NRG1: variants seen among roughly 807,000 people sequenced by gnomAD.
The protein encoded by NRG1 is neuregulin 1, also known as pro-neuregulin-1, membrane-bound isoform.
In NRG1, 18 loss-of-function variants were observed where a neutral mutation model predicts 63.8. The ratio of observed to expected loss-of-function variants is 0.28; its 90% CI spans 0.19 to 0.42. The LOEUF (loss-of-function observed/expected upper bound fraction) is 0.42. Ranked by LOEUF, NRG1 falls within the 10% of genes least tolerant of loss-of-function variation. NRG1 has a pLI of 1.00. For synonymous variants in NRG1, 302 were observed against 301.3 expected, an observed-to-expected ratio of 1.00 and a Z score of -0.02; for missense variants, 762 against 814.7, an observed-to-expected ratio of 0.94 and a Z score of 0.79.
chr8:32,690,975 G>GTGTGTT (rs1811470232), intron 5 of NRG1, among the ~76,000 whole-genome samples: 1 of 150,688 alleles, frequency 6.6e-6, no homozygotes, highest in Admixed American at 6.6e-5. Context: ...GTGTGTGTGT[G>GTGTGTT]TGTGTTAGCC....
chr8:32,719,779 A>C lies in NRG1; in HGVS notation c.503-8170A>C, dbSNP rs1165746985. Among the ~76,000 whole-genome samples the C allele has an allele frequency of 4.6e-5, 7 of 151,936 alleles. No homozygotes were observed. In the East Asian group the frequency reaches 1.4e-3, roughly 29 times the overall value. On this transcript the variant is annotated intron_variant, in intron 5 of 11. Coordinates refer to ENST00000356819, the Ensembl canonical transcript of NRG1. ...TTTTTCTACGTTTAACTTTTTTTTAAAGAAACCAGGTTGTTTGTCCTGTAA... is the reference window on the plus strand; with the variant it reads ...TTTTTCTACGTTTAACTTTTTTTTACAGAAACCAGGTTGTTTGTCCTGTAA...
chr8:32,239,590 G>A (rs1847908447), intron 1 of NRG1, among the ~76,000 whole-genome samples: 1 of 151,946 alleles, frequency 6.6e-6, no homozygotes, highest in Non-Finnish European at 1.5e-5. Context: ...CTTTTGTTCT[G>A]TAAGAGACCC....
chr8:31,735,920 G>A (rs183942995), intron 1 of NRG1, among the ~76,000 whole-genome samples: 89 of 152,178 alleles, frequency 5.8e-4, no homozygotes, highest in African/African-American at 2.0e-3. Flanking sequence ...GCTACCATCC[G>A]TCATCTTTTG....
chr8:32,496,455 C>A (rs75974189), intron 1 of NRG1, among the ~76,000 whole-genome samples: 1 of 151,982 alleles, frequency 6.6e-6, no homozygotes, highest in Non-Finnish European at 1.5e-5. Flanking sequence ...CTGGGCATGG[C>A]GGTGCGTGCC....
At chr8:32,762,396 T>A (rs552211498) in intron 11 of NRG1, among the ~76,000 whole-genome samples, 147 of 152,276 alleles carry the variant, frequency 9.7e-4, no homozygotes, top group Non-Finnish European at 1.4e-3. Context: ...GACTACGAAA[T>A]ATTCCTGAAC....
rs138930521 is a variant in NRG1, at chr8:31,912,122, T to G, written c.37+272691T>G. On this transcript the variant is annotated intron_variant, in intron 1 of 10. Coordinates refer to the NRG1 transcript ENST00000519301. ...GAGGAGGCATTCAATTAATGATACC[T>G]TATTTTTATTAATATTAGCATATTG... is the stretch of plus-strand genomic sequence containing the variant. Among the ~76,000 whole-genome samples the G allele has an allele frequency of 8.9e-3, 1,353 of 152,338 alleles. 61 individuals carry two copies. In the South Asian group the frequency reaches 0.13, roughly 14 times the overall value.
chr8:31,857,457 C>T (rs530020694), intron 1 of NRG1, among the ~76,000 whole-genome samples: 12 of 152,352 alleles, frequency 7.9e-5, no homozygotes, highest in Admixed American at 3.3e-4. Context: ...GGCAATGCCT[C>T]GCCCTGCTTT....
chr8:32,116,600 A>G lies in NRG1; in HGVS notation c.37+477169A>G, dbSNP rs866622378. 6.6e-5 allele frequency among the ~76,000 whole-genome samples: 10 copies of G among 152,244 alleles called. No homozygotes were observed. The Middle Eastern group carries it at 0.014, about 207-fold the overall frequency. On this transcript the variant is annotated intron_variant, in intron 1 of 10. Transcript: ENST00000519301. ...TCATTCAACTGTTAGTATGTTCCTCATAAGTGCCTGTCAGAGAGAATCTTT... is the reference window on the plus strand; with the variant it reads ...TCATTCAACTGTTAGTATGTTCCTCGTAAGTGCCTGTCAGAGAGAATCTTT...
At chr8:31,663,644 A>G (rs1030460198) in intron 1 of NRG1, among the ~76,000 whole-genome samples, 4 of 152,198 alleles carry the variant, frequency 2.6e-5, no homozygotes, top group Non-Finnish European at 4.4e-5. Flanking sequence ...ATACTTTGAT[A>G]TAACATTTTG....
chr8:32,299,305 G>A (rs1855317898), intron 1 of NRG1, among the ~76,000 whole-genome samples: 1 of 152,090 alleles, frequency 6.6e-6, no homozygotes, highest in South Asian at 2.1e-4. Context: ...GCTTTCTGCT[G>A]GAACATACAT....
At chr8:31,876,316 G>A (rs1199562756) in intron 1 of NRG1, among the ~76,000 whole-genome samples, 2 of 152,152 alleles carry the variant, frequency 1.3e-5, no homozygotes, top group East Asian at 3.9e-4. Context: ...GGCAATAATA[G>A]CAATTACCTA....
chr8:31,949,177 A>G (rs1197167898), intron 1 of NRG1, among the ~76,000 whole-genome samples: 1 of 152,340 alleles, frequency 6.6e-6, no homozygotes, highest in Middle Eastern at 3.4e-3. Flanking sequence ...CACTTCACAC[A>G]TGTTATTTAA....
chr8:32,021,672 T>C (rs1816472061), intron 1 of NRG1, among the ~76,000 whole-genome samples: 1 of 151,640 alleles, frequency 6.6e-6, no homozygotes, highest in Non-Finnish European at 1.5e-5. Flanking sequence ...CTTTGAGACA[T>C]AGCACAACAC....
intron 1 of NRG1, among the ~76,000 whole-genome samples, chr8:32,140,680 C>A (rs1836131105): frequency 1.3e-5 from 2 of 152,046 alleles, no homozygotes; most frequent in Non-Finnish European, 2.9e-5. Flanking sequence ...CCAAGCTGGT[C>A]TTGAACTCCT....
At chr8:32,677,497 A>C (rs1484432222) in intron 5 of NRG1, among the ~76,000 whole-genome samples, 2 of 152,002 alleles carry the variant, frequency 1.3e-5, no homozygotes, top group Non-Finnish European at 1.5e-5. Context: ...TCTCTACAAA[A>C]TATACAAAAA....
At chr8:32,132,966 CCTTT>C (rs1835039154) in intron 1 of NRG1, among the ~76,000 whole-genome samples, 1 of 151,942 alleles carries the variant, frequency 6.6e-6, no homozygotes. Flanking sequence ...TTCCTTCCTT[CCTTT>C]CTTCCTTTCT....
intron 1 of NRG1, among the ~76,000 whole-genome samples, chr8:31,981,543 T>G (rs997379180): frequency 1.3e-5 from 2 of 152,082 alleles, no homozygotes; most frequent in African/African-American, 4.8e-5. Flanking sequence ...CTTGCCTATC[T>G]GATGATTTAG....
chr8:32,674,265 A>G (rs1458488758), intron 5 of NRG1, among the ~76,000 whole-genome samples: 1 of 152,206 alleles, frequency 6.6e-6, no homozygotes, highest in South Asian at 2.1e-4. Flanking sequence ...TCAAAGTCCA[A>G]GACATGAACA....
chr8:32,257,692 C>T (rs1488974411), intron 1 of NRG1, among the ~76,000 whole-genome samples: 1 of 152,030 alleles, frequency 6.6e-6, no homozygotes, highest in Non-Finnish European at 1.5e-5. Flanking sequence ...CCTACCCTGC[C>T]ATGAAGTGAT....
Sources: allele counts gnomAD v4.1 joint callset (sites outside exome capture counted in the v4.1 genomes callset), GRCh38; gene constraint gnomAD v4.1.1; transcripts MANE v1.5; gene names NCBI Gene and HGNC (gene_info 2026-07-23, HGNC 2026-07-21).